Variants in KRT71 observed in about 807,000 individuals in gnomAD.
KRT71 encodes the protein keratin 71, also known as keratin, type II cytoskeletal 71.
Under a neutral mutation model 46.2 loss-of-function variants are expected in KRT71, and 42 were observed. That is an observed-to-expected ratio of 0.91 (90% CI 0.71 to 1.18). The LOEUF (loss-of-function observed/expected upper bound fraction) is 1.18. Ranked by LOEUF, KRT71 falls within the 50% of genes most tolerant of loss-of-function variation. The pLI is 0.00. For synonymous variants in KRT71, 292 were observed against 277.8 expected (o/e 1.05, Z -0.51); for missense variants, 708 against 677.9 (o/e 1.04, Z -0.49).
chr12:52,551,670 C>G (rs991558479), intron 1 of KRT71, among the ~76,000 whole-genome samples: 1 of 152,188 alleles, frequency 6.6e-6, no homozygotes, highest in Non-Finnish European at 1.5e-5. Flanking sequence ...GCCAACAGAA[C>G]CCTCCAGTCT....
At chr12:52,548,576 G>A (rs548871132) in intron 4 of KRT71, 125 bp downstream of exon 4, 52 of 881,714 alleles carry the variant, frequency 5.9e-5, no homozygotes, top group South Asian at 3.7e-4. Context: ...AGTCTGATGC[G>A]GGAGATGGTT....
chr12:52,544,872 G>T (rs1565600302), intron 8 of KRT71, 129 bp from the exon 9 acceptor site: 7 of 744,460 alleles, frequency 9.4e-6, no homozygotes, highest in Non-Finnish European at 1.6e-5. Context: ...CTCTCCCTGG[G>T]GAGAATGTAC....
rs1392132890 is a variant in KRT71 at position 52,548,169 on chromosome 12, C to T, written c.961G>A (p.Ala321Thr). 1.9e-6 allele frequency: 3 copies of T among 1,613,566 alleles called. No homozygotes were observed. Among genetic ancestry groups the T allele is most frequent in the African/African-American group, 2.7e-5 (2 of 75,052 alleles). Reference protein sequence around the residue: ...IALKSKAEAEALYQTKFQELQ... With the variant: ...IALKSKAEAETLYQTKFQELQ... ...CAGCTCACCTTGGTCTGGTACAGGG[C>T]CTCAGCCTCGGCCTTACTCTTCAAG... is the stretch of plus-strand genomic sequence containing the variant. Residue 321 changes from alanine (A) to threonine (T), a missense_variant, in exon 5 of 9, where the codon GCC (alanine) becomes ACC (threonine). Physicochemically the swap from Ala to Thr is moderately conservative, Grantham distance 58. Coordinates refer to ENST00000267119, the MANE Select transcript of KRT71 (RefSeq NM_033448.3).
chr12:52,549,393 GAA>G, intron 2 of KRT71, 40 bp from the exon 3 acceptor site: 1 of 1,548,308 alleles, frequency 6.5e-7, no homozygotes, highest in Non-Finnish European at 8.9e-7. Flanking sequence ...ATATCTCACT[GAA>G]AGCCCTTGCT....
chr12:52,544,858 C>T (rs1939033631), intron 8 of KRT71, 115 bp from the exon 9 acceptor site: 2 of 800,456 alleles, frequency 2.5e-6, no homozygotes, highest in South Asian at 1.6e-5. Flanking sequence ...TGCACACCCG[C>T]TCCCTCTCCC....
intron 8 of KRT71, 137 bp from the exon 9 acceptor site, chr12:52,544,880 T>TACCAAAG: frequency 1.4e-6 from 1 of 711,040 alleles, no homozygotes; most frequent in Non-Finnish European, 2.4e-6. Context: ...GGGGAGAATG[T>TACCAAAG]ACCAAAGACA....
intron 8 of KRT71, 97 bp downstream of exon 8, chr12:52,545,468 G>C (rs1279415121): frequency 5.5e-6 from 4 of 724,444 alleles, no homozygotes; most frequent in Non-Finnish European, 6.8e-6. Context: ...TTCCCTCTCT[G>C]GTTCTTAGAT....
chr12:52,552,466 C>T lies in KRT71; in HGVS notation c.441+171G>A, dbSNP rs185691738. ...TGCCTCTGTTTTCTCTCTGGAAAGA[C>T]AACACAGAGAACCTTACACAGGTCA... On this transcript the variant is annotated intron_variant, in intron 1 of 8. Transcript: ENST00000267119. Among the ~76,000 whole-genome samples the T allele has an allele frequency of 1.9e-3, 290 of 152,356 alleles. 1 individual carries two copies. Among genetic ancestry groups the T allele is most frequent in the Middle Eastern group, 6.8e-3 (2 of 294 alleles).
rs771016341 is a variant in KRT71, at chr12:52,546,372, G to A, written c.1239C>T (p.Arg413=). The A allele has an allele frequency of 2.1e-5, 34 of 1,614,048 alleles. No individual in the cohort carries two copies. The highest frequency in any genetic ancestry group is 1.3e-4 in the Admixed American group (8 of 60,006). ...QAKEELARML[R]EYQELMSLKL... ...TCAGGCTCATGAGCTCCTGGTACTC[G>A]CGCAGCATCCGCGCCAGCTCCTCCT... The change falls in exon 7 of 9, where the codon CGC becomes CGT. Residue 413 remains arginine (R), a synonymous_variant. Transcript: ENST00000267119.
At position 52,550,009 on chromosome 12, in the gene KRT71, G is replaced by A. The variant is rs770364220; in HGVS notation, c.656+20C>T. The A allele has an allele frequency of 1.2e-6, 2 of 1,613,670 alleles. No homozygotes were observed. The highest frequency in any genetic ancestry group is 8.5e-7 in the Non-Finnish European group (1 of 1,179,608). ...GGACAAGGGCAGTTGTCCAGTTACA[G>A]GGGGACTCCTCCTGCTCACCTCTTC... On this transcript the variant is annotated intron_variant, in intron 2 of 8. Coordinates refer to ENST00000267119, the MANE Select transcript of KRT71 (RefSeq NM_033448.3).
chr12:52,548,432 T>A lies in KRT71; in HGVS notation c.814-116A>T, dbSNP rs1939098084. ...CATCTTGGAGGCTGGAACCCAAGGC[T>A]GCTGCCATCCAGGGCTGTGTGCTTT... On this transcript the variant is annotated intron_variant, in intron 4 of 8. Coordinates refer to ENST00000267119, the MANE Select transcript of KRT71 (RefSeq NM_033448.3). 4 of 1,228,338 alleles carry A rather than the reference T, an allele frequency of 3.3e-6. No homozygotes were observed. In the South Asian group the frequency reaches 5.7e-5, roughly 18 times the overall value. The allele number at this position is 1,228,338 out of a possible 1,614,324, so 76.1% of individuals were successfully genotyped here.
Position 52,548,064 on chromosome 12 carries a change from G to A in KRT71, c.979-82C>T, listed in dbSNP as rs1939088435. On this transcript the variant is annotated intron_variant, in intron 5 of 8. Transcript: ENST00000267119. ...GATCAGAACACAACAGACACTTACT[G>A]GGACACTGCTTCTATTCTGGGCACG... 8 of 1,600,326 alleles carry A rather than the reference G, an allele frequency of 5.0e-6. No homozygotes were observed. In the South Asian group the frequency reaches 7.9e-5, roughly 16 times the overall value.
intron 1 of KRT71, among the ~76,000 whole-genome samples, chr12:52,551,976 T>C (rs954042213): frequency 6.6e-6 from 1 of 152,056 alleles, no homozygotes; most frequent in African/African-American, 2.4e-5. Context: ...TGTGACAAGA[T>C]CTTCACCTGC....
rs1565601412 is a variant in KRT71 at position 52,547,893 on chromosome 12, C to G, written c.1068G>C (p.Gln356His). 2.5e-6 allele frequency: 4 copies of G among 1,614,218 alleles called. No individual in the cohort carries two copies. The highest frequency in any genetic ancestry group is 3.3e-4 in the Middle Eastern group (2 of 6,062). ...NEISELTRLI[Q>H]RIRSEIENVK... ...CGTTCTCGATCTCTGAGCGGATTCT[C>G]TGGATGAGCCGAGTGAGCTCCGAGA... Residue 356 changes from glutamine to histidine, a missense_variant, in exon 6 of 9, where the codon CAG (glutamine) becomes CAC (histidine). Transcript: ENST00000267119.
rs1447008075 is a variant in KRT71, at chr12:52,546,452, G to C, written c.1159C>G (p.Leu387Val). The part of the protein sequence containing the change: ...ADAEQRGDNA[L>V]KDARAKLDEL... ...TCCAGCTTGGCCCGGGCATCCTTCA[G>C]GGCGTTGTCTCCCCGCTGCTCAGCA... Residue 387 changes from leucine to valine, a missense_variant, in exon 7 of 9, where the codon CTG (leucine) becomes GTG (valine). By Grantham distance (32) the Leu-to-Val change is conservative (BLOSUM62 1). Coordinates refer to ENST00000267119, the MANE Select transcript of KRT71 (RefSeq NM_033448.3). 2 of 1,614,084 alleles carry C rather than the reference G, an allele frequency of 1.2e-6. No individual in the cohort carries two copies. The highest frequency in any genetic ancestry group is 8.5e-7 in the Non-Finnish European group (1 of 1,180,044).
intron 2 of KRT71, 152 bp downstream of exon 2, chr12:52,549,877 G>T (rs1218783483): frequency 3.5e-6 from 3 of 851,706 alleles, no homozygotes; most frequent in Non-Finnish European, 5.5e-6. Flanking sequence ...CAGAGAGCAA[G>T]TTCCAGAGTT....
chr12:52,546,256 G>C, intron 7 of KRT71, 30 bp downstream of exon 7: 1 of 1,612,052 alleles, frequency 6.2e-7, no homozygotes, highest in Non-Finnish European at 8.5e-7. Flanking sequence ...AAACCCCTGG[G>C]GCCCTCCTGT....
At chr12:52,547,077 C>G (rs1323855139) in intron 6 of KRT71, among the ~76,000 whole-genome samples, 1 of 152,200 alleles carries the variant, frequency 6.6e-6, no homozygotes, top group African/African-American at 2.4e-5. Context: ...GATCACAAAG[C>G]AACTAAGTGT....
In KRT71 at chr12:52,545,669, C is replaced by T. The variant is rs1170121215; in HGVS notation, c.1326-70G>A. 3.1e-6 allele frequency: 3 copies of T among 966,458 alleles called. No homozygotes were observed. The African/African-American group carries it at 4.9e-5, about 16-fold the overall frequency. 59.9% of individuals were successfully genotyped at this position (966,458 alleles called of 1,614,324 possible). On this transcript the variant is annotated intron_variant, in intron 7 of 8. Transcript: ENST00000267119. ...AGCTCAGTCTCTTTAAAGCTACTGC[C>T]ACCATCAGCCTTATGTGGGTTTTTG... is the stretch of plus-strand genomic sequence containing the variant.
Sources: gnomAD v4.1 joint callset for allele counts (sites outside exome capture counted in the v4.1 genomes callset) on GRCh38, gnomAD v4.1.1 for gene constraint, MANE v1.5 for transcripts, NCBI Gene and HGNC (gene_info 2026-07-23, HGNC 2026-07-21) for gene names.